NDUFAF6: variants seen among roughly 807,000 people sequenced by gnomAD.
NDUFAF6 encodes NADH dehydrogenase (ubiquinone) complex I, assembly factor 6.
In NDUFAF6, 45 loss-of-function variants were observed where a neutral mutation model predicts 40.8. The observed-to-expected ratio is 1.10, with a 90% CI of 0.87 to 1.42. NDUFAF6 has a LOEUF of 1.42. NDUFAF6 is among the 40% of genes most tolerant of loss of function. The pLI is 0.00. For synonymous variants in NDUFAF6, 185 were observed against 155.9 expected (o/e 1.19, Z -1.39); for missense variants, 435 against 418.5 (o/e 1.04, Z -0.34).
intron 1 of NDUFAF6, among the ~76,000 whole-genome samples, chr8:94,942,786 G>A (rs954327437): frequency 5.3e-5 from 8 of 152,214 alleles, no homozygotes; most frequent in Admixed American, 6.5e-5. Flanking sequence ...AATGGAGGAA[G>A]GGGGCAAAGG....
chr8:95,105,066 CAGAGAGAGAGAGAGAGAGAGAGAGAG>C (rs55705930), downstream of NDUFAF6, among the ~76,000 whole-genome samples: 3 of 72,886 alleles, frequency 4.1e-5, no homozygotes, highest in South Asian at 7.7e-4. Context: ...CACACACACA[CAGAGAGAGAGAGAGAGAGAGAGAGAG>C]AGAGAGAGAG....
chr8:94,982,003 G>A (rs1292379297), intron 2 of NDUFAF6, among the ~76,000 whole-genome samples: 3 of 152,070 alleles, frequency 2.0e-5, no homozygotes, highest in African/African-American at 4.8e-5. Context: ...GCTGAGGAGG[G>A]TGGATCACGA....
At position 95,045,468 on chromosome 8, in the gene NDUFAF6, T is replaced by C. The variant is rs1830633030; in HGVS notation, c.478-77T>C. 3 of 970,658 alleles carry C rather than the reference T, an allele frequency of 3.1e-6. No homozygotes were observed. The South Asian group carries it at 3.9e-5, about 13-fold the overall frequency. 60.1% of individuals were successfully genotyped at this position (970,658 alleles called of 1,614,324 possible). A position where few individuals can be genotyped will look rare whatever the true frequency, so the allele number is the denominator to read the frequency against. On this transcript the variant is annotated intron_variant, in intron 4 of 8. Transcript: ENST00000396124. ...TATTTTTATTCGTTATTCAGTTCTT[T>C]GGGGCAAAAAACAGCACCTTTTCTT...
intron 2 of NDUFAF6, among the ~76,000 whole-genome samples, chr8:95,006,086 G>C (rs559098291): frequency 7.9e-5 from 12 of 151,926 alleles, no homozygotes; most frequent in African/African-American, 2.9e-4. Context: ...GGCCAGGCGC[G>C]GTGGCTCACG....
At chr8:95,002,775 T>G (rs1395245305) in intron 2 of NDUFAF6, among the ~76,000 whole-genome samples, 13 of 152,210 alleles carry the variant, frequency 8.5e-5, no homozygotes, top group African/African-American at 2.9e-4. Context: ...GTCGAGACCC[T>G]GCTGGCTTAA....
intron 1 of NDUFAF6, among the ~76,000 whole-genome samples, chr8:94,942,032 T>C (rs1293757938): frequency 6.6e-6 from 1 of 151,142 alleles, no homozygotes; most frequent in Non-Finnish European, 1.5e-5. Context: ...GCAGTCACCC[T>C]TCACGCTTTT....
chr8:95,051,629 G>C (rs1831442709), intron 7 of NDUFAF6, among the ~76,000 whole-genome samples: 1 of 152,168 alleles, frequency 6.6e-6, no homozygotes, highest in Non-Finnish European at 1.5e-5. Flanking sequence ...AGTTAGGTTG[G>C]ATGGACGAGG....
At chr8:95,017,950 A>G (rs1252226817) in intron 2 of NDUFAF6, among the ~76,000 whole-genome samples, 1 of 152,248 alleles carries the variant, frequency 6.6e-6, no homozygotes, top group Non-Finnish European at 1.5e-5. Context: ...GTATTACAGA[A>G]GTTTCCAAAC....
At chr8:95,035,392 A>G in intron 2 of NDUFAF6, 62 bp from the exon 3 acceptor site, 1 of 1,578,908 alleles carries the variant, frequency 6.3e-7, no homozygotes, top group Non-Finnish European at 8.7e-7. Context: ...ATTCCCTCAA[A>G]GATACTGATT....
intron 2 of NDUFAF6, among the ~76,000 whole-genome samples, chr8:95,014,801 CTT>C (rs1014620499): frequency 7.2e-5 from 11 of 152,206 alleles, no homozygotes; most frequent in Non-Finnish European, 1.5e-4. Flanking sequence ...TTTTATTCCT[CTT>C]TCAGCTCTGC....
chr8:95,002,310 A>G (rs1309625469), intron 2 of NDUFAF6, among the ~76,000 whole-genome samples: 2 of 152,350 alleles, frequency 1.3e-5, no homozygotes, highest in African/African-American at 4.8e-5. Context: ...AGGCCAAGGC[A>G]AGTCACAACA....
Position 95,057,972 on chromosome 8 carries a change from A to T in NDUFAF6, c.*35A>T. ...ATGGCATTGATGTTAATTCTAGTCT[A>T]TTAGTTTTATAAAAGTTAGGATTCT... On this transcript the variant is annotated 3_prime_UTR_variant, in exon 9 of 9. Transcript: ENST00000396124. The T allele has an allele frequency of 1.3e-6, 2 of 1,502,448 alleles. No homozygotes were observed. The highest frequency in any genetic ancestry group is 1.8e-6 in the Non-Finnish European group (2 of 1,087,410). The allele number at this position is 1,502,448 out of a possible 1,614,324, so 93.1% of individuals were successfully genotyped here.
intron 1 of NDUFAF6, among the ~76,000 whole-genome samples, chr8:94,936,571 C>T (rs531640859): frequency 1.7e-4 from 26 of 152,182 alleles, no homozygotes; most frequent in African/African-American, 6.3e-4. Context: ...TGATGGAAGC[C>T]CCTAGGTTTG....
upstream of NDUFAF6, among the ~76,000 whole-genome samples, chr8:94,955,109 C>T (rs1456315889): frequency 6.6e-6 from 1 of 152,202 alleles, no homozygotes; most frequent in African/African-American, 2.4e-5. Flanking sequence ...ATAATACCAG[C>T]TCGGAGAGAC....
intron 1 of NDUFAF6, chr8:94,896,796 A>T (rs972659094): frequency 4.6e-5 from 7 of 152,128 alleles, no homozygotes; most frequent in Admixed American, 1.3e-4. Context: ...CCGCCGCCGG[A>T]TGGGCGCTTT....
In NDUFAF6 at chr8:95,052,171, T is replaced by C; in HGVS notation, c.817-3T>C. The C allele has an allele frequency of 6.2e-7, 1 of 1,614,080 alleles. No individual in the cohort carries two copies. ...ACGAGCTTCCTCTCCTCTTCCTTTTTAGGCTAGGTCCTTTCACAAAACTGT... is the reference window on the plus strand; with the variant it reads ...ACGAGCTTCCTCTCCTCTTCCTTTTCAGGCTAGGTCCTTTCACAAAACTGT... On this transcript the variant is annotated splice_region_variant and splice_polypyrimidine_tract_variant and intron_variant, in intron 7 of 8. Coordinates refer to ENST00000396124, the MANE Select transcript of NDUFAF6 (RefSeq NM_152416.4).
Position 94,979,629 on chromosome 8 carries a change from G to T in NDUFAF6, c.-198-1230G>T, listed in dbSNP as rs1463548472. 3.3e-5 allele frequency among the ~76,000 whole-genome samples: 5 copies of T among 152,028 alleles called. No homozygotes were observed. The East Asian group carries it at 9.6e-4, about 29-fold the overall frequency. ...ATTTTGCCACAAATACATTGTTTTT[G>T]TAATATTTTTTCAAGTGTTTTTATA... On this transcript the variant is annotated intron_variant, in intron 1 of 9. Transcript: ENST00000396111.
intron 4 of NDUFAF6, among the ~76,000 whole-genome samples, chr8:95,109,844 G>T (rs538486049): frequency 6.6e-6 from 1 of 152,250 alleles, no homozygotes; most frequent in South Asian, 2.1e-4. Context: ...ACTTATCCGA[G>T]ATCATGCAGG....
chr8:94,904,377 C>T (rs1221051825), intron 1 of NDUFAF6, among the ~76,000 whole-genome samples: 3 of 113,982 alleles, frequency 2.6e-5, no homozygotes, highest in South Asian at 3.0e-4. Context: ...AGGGTTTCAC[C>T]GTGTTAGCCA....
Sources: allele counts gnomAD v4.1 joint callset (sites outside exome capture counted in the v4.1 genomes callset), GRCh38; gene constraint gnomAD v4.1.1; transcripts MANE v1.5; gene names NCBI Gene and HGNC (gene_info 2026-07-23, HGNC 2026-07-21).